COL4A6: variants seen among roughly 807,000 people sequenced by gnomAD.
COL4A6 encodes the protein collagen alpha-6(IV) chain.
COL4A6 carries 59 observed loss-of-function variants against 126.7 expected under a neutral mutation model. That is an observed-to-expected ratio of 0.47 (90% CI 0.38 to 0.58). The LOEUF (loss-of-function observed/expected upper bound fraction) is 0.58, where lower values mean the gene tolerates loss of function less well. Ranked by LOEUF, COL4A6 falls within the 20% of genes least tolerant of loss-of-function variation. The pLI is 0.00. For missense variants in COL4A6, 1,285 were observed against 1,337.3 expected (o/e 0.96, Z 0.61); for synonymous variants, 547 against 496.6 (o/e 1.10, Z -1.35).
intron 25 of COL4A6, 137 bp downstream of exon 25, chrX:108,180,378 A>T: frequency 2.0e-6 from 1 of 501,351 alleles, no homozygotes; most frequent in Admixed American, 4.4e-5. Flanking sequence ...AAAATTAAAC[A>T]ATCCTACCCA....
At chrX:108,354,764 T>C (rs1395624337) in intron 2 of COL4A6, among the ~76,000 whole-genome samples, 2 of 110,768 alleles carry the variant, frequency 1.8e-5, no homozygotes, top group African/African-American at 6.6e-5. Context: ...GAAAAACATG[T>C]CATCTCTATG....
At chrX:108,197,304 G>A (rs1473458763) in intron 13 of COL4A6, among the ~76,000 whole-genome samples, 2 of 111,630 alleles carry the variant, frequency 1.8e-5, no homozygotes, top group Non-Finnish European at 3.8e-5. Flanking sequence ...GGGAAAAGCA[G>A]GAACTCCAAG....
chrX:108,398,340 G>A (rs2041009352), intron 2 of COL4A6, among the ~76,000 whole-genome samples: 1 of 111,397 alleles, frequency 9.0e-6, no homozygotes, highest in African/African-American at 3.3e-5. Flanking sequence ...GGTTGTCCAT[G>A]GTTCTGTACC....
intron 3 of COL4A6, among the ~76,000 whole-genome samples, chrX:108,264,276 T>C (rs1006671170): frequency 8.9e-6 from 1 of 111,797 alleles, no homozygotes; most frequent in Non-Finnish European, 1.9e-5. Context: ...GTATACATAT[T>C]GGGTTAACAG....
At chrX:108,437,255 A>T (rs73535505) in intron 2 of COL4A6, among the ~76,000 whole-genome samples, 8,317 of 111,813 alleles carry the variant, frequency 0.074, 684 homozygotes, top group African/African-American at 0.23. Context: ...CTTGACCAAA[A>T]GTCTTCAGAA....
At chrX:108,174,692 GC>G in intron 30 of COL4A6, 71 bp from the exon 31 acceptor site, 1 of 978,158 alleles carries the variant, frequency 1.0e-6, no homozygotes, top group South Asian at 2.4e-5. Context: ...AGATGCAGGT[GC>G]CCCAGGTCGC....
chrX:108,329,716 G>T (rs1431408200), intron 2 of COL4A6, among the ~76,000 whole-genome samples: 3 of 111,820 alleles, frequency 2.7e-5, no homozygotes, highest in African/African-American at 9.8e-5. Context: ...ATTGGTACAT[G>T]GGAGGAGTTT....
chrX:108,344,948 G>A (rs889515720), intron 2 of COL4A6, among the ~76,000 whole-genome samples: 1 of 111,679 alleles, frequency 9.0e-6, no homozygotes, highest in Admixed American at 9.5e-5. Flanking sequence ...ACTAACCATG[G>A]GTGGGGGATG....
chrX:108,178,090 T>C (rs1272921176), intron 27 of COL4A6, among the ~76,000 whole-genome samples: 2 of 112,261 alleles, frequency 1.8e-5, no homozygotes, highest in African/African-American at 3.2e-5. Context: ...ATAACTCAGC[T>C]TCAGTCACTA....
rs2033905700 is a variant in COL4A6, at chrX:108,160,752, A to G, written c.4334-98T>C. The stretch of plus-strand genomic sequence containing the variant: ...ACATTGTCCAAGGCATGTTATACAC[A>G]TGTATTATCTCACTCAATCCTCACG... On this transcript the variant is annotated intron_variant, in intron 42 of 44. Coordinates refer to ENST00000334504, the MANE Select transcript of COL4A6 (RefSeq NM_033641.4). The G allele has an allele frequency of 3.9e-6, 3 of 771,230 alleles. No homozygotes were observed. In the Admixed American group the frequency reaches 1.0e-4, roughly 27 times the overall value. 63.6% of individuals were successfully genotyped at this position (771,230 alleles called of 1,213,427 possible).
intron 3 of COL4A6, among the ~76,000 whole-genome samples, chrX:108,229,280 C>A (rs764157429): frequency 1.8e-5 from 2 of 112,221 alleles, no homozygotes; most frequent in South Asian, 7.5e-4. Context: ...GATTCAAATT[C>A]CCTCTTCACC....
intron 3 of COL4A6, 143 bp from the exon 4 acceptor site, chrX:108,221,517 C>A: frequency 1.6e-6 from 1 of 626,724 alleles, no homozygotes. Flanking sequence ...AAGTTCCAGA[C>A]ACGGATCAGA....
chrX:108,241,995 T>C (rs1302654437), intron 3 of COL4A6, among the ~76,000 whole-genome samples: 1 of 83,210 alleles, frequency 1.2e-5, no homozygotes, highest in Non-Finnish European at 2.1e-5. Context: ...TTTCACCAGT[T>C]TTTTTTTTTT....
chrX:108,373,301 CTCTT>C (rs2040367735), intron 2 of COL4A6, among the ~76,000 whole-genome samples: 1 of 111,922 alleles, frequency 8.9e-6, no homozygotes, highest in Non-Finnish European at 1.9e-5. Context: ...CTTCTGTAAT[CTCTT>C]TCTTTTCAGC....
At chrX:108,267,012 G>A (rs1400114112) in intron 3 of COL4A6, among the ~76,000 whole-genome samples, 3 of 112,171 alleles carry the variant, frequency 2.7e-5, no homozygotes, top group South Asian at 3.7e-4. Context: ...TAGGTCACAA[G>A]TCTGAAATGG....
At chrX:108,432,138 A>G (rs2064183687) in intron 2 of COL4A6, among the ~76,000 whole-genome samples, 1 of 112,334 alleles carries the variant, frequency 8.9e-6, no homozygotes, top group East Asian at 2.8e-4. Context: ...GACTACAGTT[A>G]TAAAGCTGGA....
intron 3 of COL4A6, among the ~76,000 whole-genome samples, chrX:108,283,971 G>C (rs2037932633): frequency 9.0e-6 from 1 of 111,383 alleles, no homozygotes; most frequent in Admixed American, 9.6e-5. Flanking sequence ...GGTCACACTT[G>C]AGAAATGTGA....
chrX:108,258,393 C>T (rs1056635070), intron 3 of COL4A6, among the ~76,000 whole-genome samples: 3 of 111,882 alleles, frequency 2.7e-5, no homozygotes, highest in Non-Finnish European at 3.8e-5. Context: ...GTATAAGTCA[C>T]TTAGCTAAAG....
At chrX:108,280,226 A>C (rs1472646639) in intron 3 of COL4A6, among the ~76,000 whole-genome samples, 4 of 111,690 alleles carry the variant, frequency 3.6e-5, no homozygotes, top group Non-Finnish European at 7.5e-5. Flanking sequence ...GAAAGGATCA[A>C]CAAAATTGAT....
Sources: allele counts gnomAD v4.1 joint callset (sites outside exome capture counted in the v4.1 genomes callset), GRCh38; gene constraint gnomAD v4.1.1; transcripts MANE v1.5; gene names NCBI Gene and HGNC (gene_info 2026-07-23, HGNC 2026-07-21).